RALYL: variants seen among roughly 807,000 people sequenced by gnomAD.
RALYL encodes RALY RNA binding protein like, also known as RNA-binding Raly-like protein.
A neutral mutation model predicts 35.1 loss-of-function variants in RALYL; 29 were observed. That is an observed-to-expected ratio of 0.83 (90% CI 0.61 to 1.13). The LOEUF (loss-of-function observed/expected upper bound fraction) is 1.13, where lower values mean the gene tolerates loss of function less well. RALYL is among the 50% of genes most tolerant of loss of function. RALYL has a pLI of 0.00. For missense variants in RALYL, 359 were observed against 360.4 expected, an observed-to-expected ratio of 1.00 and a Z score of 0.03; for synonymous variants, 120 against 127.6, an observed-to-expected ratio of 0.94 and a Z score of 0.40.
At chr8:84,454,240 A>G (rs566571303) in intron 1 of RALYL, among the ~76,000 whole-genome samples, 1 of 151,854 alleles carries the variant, frequency 6.6e-6, no homozygotes, top group Non-Finnish European at 1.5e-5. Context: ...TATTTTAGAG[A>G]TGTAAGATGG....
intron 1 of RALYL, among the ~76,000 whole-genome samples, chr8:84,336,813 T>C (rs1384223247): frequency 2.6e-5 from 4 of 151,878 alleles, no homozygotes; most frequent in Non-Finnish European, 5.9e-5. Context: ...CATTAAGAGG[T>C]CCACGACTGC....
intron 1 of RALYL, among the ~76,000 whole-genome samples, chr8:84,425,805 G>GTT (rs2046361498): frequency 1.3e-5 from 2 of 151,724 alleles, no homozygotes; most frequent in Non-Finnish European, 2.9e-5. Flanking sequence ...GTGTGTGTGT[G>GTT]TGTGTGTGTG....
intron 2 of RALYL, among the ~76,000 whole-genome samples, chr8:84,637,653 C>T (rs930476710): frequency 3.3e-5 from 5 of 151,832 alleles, no homozygotes; most frequent in African/African-American, 9.7e-5. Context: ...GAAAGGTACT[C>T]AGTACAAGGT....
chr8:84,741,259 T>G (rs1807228188), intron 2 of RALYL, among the ~76,000 whole-genome samples: 1 of 152,124 alleles, frequency 6.6e-6, no homozygotes, highest in South Asian at 2.1e-4. Context: ...GAGGCACTGC[T>G]TGATGCAGCC....
chr8:84,889,728 G>A (rs1057340112), intron 8 of RALYL, among the ~76,000 whole-genome samples: 1 of 152,180 alleles, frequency 6.6e-6, no homozygotes, highest in Non-Finnish European at 1.5e-5. Context: ...AACATGGCCA[G>A]AAACAGTCTT....
At chr8:84,802,053 A>G (rs1036353235) in intron 3 of RALYL, among the ~76,000 whole-genome samples, 36 of 152,168 alleles carry the variant, frequency 2.4e-4, no homozygotes, top group African/African-American at 8.0e-4. Context: ...TACTTTTTCT[A>G]TAAAGGCCAC....
intron 2 of RALYL, among the ~76,000 whole-genome samples, chr8:84,639,335 T>G (rs1028549617): frequency 1.3e-5 from 2 of 151,886 alleles, no homozygotes; most frequent in Non-Finnish European, 2.9e-5. Context: ...GCCTGTGACT[T>G]ACCCCTGCCT....
rs1308078162 is a variant in RALYL at position 84,351,883 on chromosome 8, A to ATTAAGTTCTTACATTCATTACATTT, written c.-24+167459_-24+167460insTTAAGTTCTTACATTCATTACATTT. Reference sequence around the variant, plus strand: ...CATTCATTACATTTGCAATTTAAGAAGCAAATGAATTAAGTTCATGATGAC... The same window carrying ATTAAGTTCTTACATTCATTACATTT: ...CATTCATTACATTTGCAATTTAAGAATTAAGTTCTTACATTCATTACATTTGCAAATGAATTAAGTTCATGATGAC... On this transcript the variant is annotated intron_variant, in intron 1 of 8. Coordinates refer to ENST00000521268, the MANE Select transcript of RALYL (RefSeq NM_173848.7). Among the ~76,000 whole-genome samples, 18 of 150,392 alleles carry ATTAAGTTCTTACATTCATTACATTT rather than the reference A, an allele frequency of 1.2e-4. 4 individuals carry two copies. The highest frequency in any genetic ancestry group is 3.7e-4 in the African/African-American group (15 of 40,436).
intron 1 of RALYL, among the ~76,000 whole-genome samples, chr8:84,299,515 T>C (rs997695130): frequency 6.6e-6 from 1 of 151,952 alleles, no homozygotes; most frequent in Admixed American, 6.6e-5. Context: ...TTCTCTTCAA[T>C]TTTTTGGAAC....
intron 1 of RALYL, among the ~76,000 whole-genome samples, chr8:84,322,935 G>A (rs1257693062): frequency 3.9e-5 from 6 of 152,052 alleles, no homozygotes; most frequent in Admixed American, 6.6e-5. Context: ...AAGACTATTG[G>A]TGACTTTGCA....
intron 2 of RALYL, among the ~76,000 whole-genome samples, chr8:84,760,520 G>A (rs1212908635): frequency 6.6e-6 from 1 of 152,004 alleles, no homozygotes; most frequent in African/African-American, 2.4e-5. Flanking sequence ...GAAAATATCA[G>A]CGTATTTCCA....
chr8:84,462,564 A>G (rs2133415517), intron 1 of RALYL, among the ~76,000 whole-genome samples: 1 of 146,968 alleles, frequency 6.8e-6, no homozygotes, highest in South Asian at 2.1e-4. Flanking sequence ...CTTTTGAGTT[A>G]CTTTTTGTGA....
At chr8:84,689,889 A>T (rs1837662143) in intron 2 of RALYL, among the ~76,000 whole-genome samples, 1 of 152,180 alleles carries the variant, frequency 6.6e-6, no homozygotes, top group Non-Finnish European at 1.5e-5. Context: ...GACAAAAGAT[A>T]GCAAGTGTCA....
At chr8:84,371,984 G>A (rs1429469519) in intron 1 of RALYL, among the ~76,000 whole-genome samples, 1 of 152,030 alleles carries the variant, frequency 6.6e-6, no homozygotes, top group Non-Finnish European at 1.5e-5. Flanking sequence ...CAGAAGAGCT[G>A]ACCAGAGTAT....
At chr8:84,350,797 G>T (rs1489633601) in intron 1 of RALYL, among the ~76,000 whole-genome samples, 1 of 150,220 alleles carries the variant, frequency 6.7e-6, no homozygotes, top group Admixed American at 6.6e-5. Context: ...ATAATTAGAA[G>T]GGAGGATTTG....
In RALYL at chr8:84,616,926, G is replaced by A. The variant is rs576323110; in HGVS notation, c.256+87349G>A. ...TAGATATGTGGCATTATTTCTGAGGGCTCTGTTCTGTTCCATTGATCTATA... is the reference window on the plus strand; with the variant it reads ...TAGATATGTGGCATTATTTCTGAGGACTCTGTTCTGTTCCATTGATCTATA... On this transcript the variant is annotated intron_variant, in intron 2 of 8. Transcript: ENST00000521268. Among the ~76,000 whole-genome samples, 1,242 of 149,832 alleles carry A rather than the reference G, an allele frequency of 8.3e-3. 36 individuals are homozygous for A. Among genetic ancestry groups the A allele is most frequent in the African/African-American group, 0.029 (1,151 of 40,374 alleles).
intron 1 of RALYL, among the ~76,000 whole-genome samples, chr8:84,518,338 A>C (rs1189786171): frequency 6.6e-6 from 1 of 152,182 alleles, no homozygotes; most frequent in East Asian, 1.9e-4. Context: ...TCTATAGCTA[A>C]GGGGAAGGGA....
chr8:84,553,593 C>T (rs889970463), intron 2 of RALYL, among the ~76,000 whole-genome samples: 10 of 152,122 alleles, frequency 6.6e-5, no homozygotes, highest in African/African-American at 1.9e-4. Flanking sequence ...GGACTGAGAT[C>T]TGTACCTCAA....
chr8:84,719,376 A>G (rs1843481076), intron 2 of RALYL, among the ~76,000 whole-genome samples: 1 of 152,096 alleles, frequency 6.6e-6, no homozygotes, highest in African/African-American at 2.4e-5. Context: ...TTGCCTTTTT[A>G]TATTCACAGA....
Sources: gnomAD v4.1 joint callset for allele counts (sites outside exome capture counted in the v4.1 genomes callset) on GRCh38, gnomAD v4.1.1 for gene constraint, MANE v1.5 for transcripts, NCBI Gene and HGNC (gene_info 2026-07-23, HGNC 2026-07-21) for gene names.